Variants in WNT7A observed in about 807,000 individuals in gnomAD.
WNT7A encodes the protein Wnt family member 7A.
Under a neutral mutation model 28.2 loss-of-function variants are expected in WNT7A, and 16 were observed. The ratio of observed to expected loss-of-function variants is 0.57; its 90% CI spans 0.38 to 0.86. The LOEUF is 0.86. WNT7A is among the 40% of genes least tolerant of loss of function. The probability of loss-of-function intolerance (pLI) is 0.00; values close to 1 mark genes in which losing one functional copy is unlikely to be tolerated. For synonymous variants in WNT7A, 190 were observed against 195.9 expected, an observed-to-expected ratio of 0.97 and a Z score of 0.25; for missense variants, 411 against 489.7, an observed-to-expected ratio of 0.84 and a Z score of 1.52.
chr3:13,846,300 A>G (rs1694537592), intron 3 of WNT7A, among the ~76,000 whole-genome samples: 1 of 152,242 alleles, frequency 6.6e-6, no homozygotes, highest in East Asian at 1.9e-4. Context: ...TCTTGGAATC[A>G]CAGGGTTTCA....
chr3:13,843,826 A>T (rs971896132), intron 3 of WNT7A, among the ~76,000 whole-genome samples: 3 of 151,660 alleles, frequency 2.0e-5, no homozygotes, highest in African/African-American at 7.3e-5. Context: ...AGCTCACTGC[A>T]ACCTCTGCCT....
At chr3:13,879,118 C>G (rs747691432) in intron 1 of WNT7A, among the ~76,000 whole-genome samples, 28 of 152,214 alleles carry the variant, frequency 1.8e-4, no homozygotes, top group Non-Finnish European at 3.7e-4. Flanking sequence ...GGGGGTGGGA[C>G]GTGCTGTCCC....
rs1209174246 is a variant in WNT7A at position 13,816,961 on chromosome 3, T to G, written c.*1983A>C. On this transcript the variant is annotated 3_prime_UTR_variant, in exon 4 of 4. Transcript: ENST00000285018. ...AGTAAAAGAAAAATGGAAAAAAATG[T>G]CCAAGGGAAGAAACCATGCAACCAT... The G allele has an allele frequency of 6.6e-6, 1 of 152,122 alleles. No homozygotes were observed. The highest frequency in any genetic ancestry group is 1.5e-5 in the Non-Finnish European group (1 of 68,070). The allele number at this position is 152,122 out of a possible 1,614,324, so 9.4% of individuals were successfully genotyped here. A position where few individuals can be genotyped will look rare whatever the true frequency, so the allele number is the denominator to read the frequency against.
rs56090932 is a variant in WNT7A, at chr3:13,817,423, TACACACACACACACACACACAC to T, written c.*1499_*1520del. 1.3e-4 allele frequency: 18 copies of T among 143,426 alleles called. No homozygotes were observed. Among genetic ancestry groups the T allele is most frequent in the East Asian group, 6.5e-4 (3 of 4,650 alleles). 8.9% of individuals were successfully genotyped at this position (143,426 alleles called of 1,614,324 possible). ...CACTCAAGTCCCTAAGAAGATACAGTACACACACACACACACACACACACACACACACACACACACACACACA... is the reference window on the plus strand; with the variant it reads ...CACTCAAGTCCCTAAGAAGATACAGTACACACACACACACACACACACACA... On this transcript the variant is annotated 3_prime_UTR_variant, in exon 4 of 4. Transcript: ENST00000285018.
At chr3:13,849,713 G>A (rs980525842) in intron 3 of WNT7A, among the ~76,000 whole-genome samples, 3 of 152,172 alleles carry the variant, frequency 2.0e-5, no homozygotes, top group African/African-American at 7.2e-5. Context: ...AGACAGCAGG[G>A]GAGGGAAGTC....
chr3:13,843,552 ACT>A (rs1036232211), intron 3 of WNT7A, among the ~76,000 whole-genome samples: 42 of 151,444 alleles, frequency 2.8e-4, no homozygotes, highest in East Asian at 1.8e-3. Flanking sequence ...CCCATCCAAA[ACT>A]CTCAGCCCAG....
intron 3 of WNT7A, among the ~76,000 whole-genome samples, chr3:13,828,465 G>A (rs773422308): frequency 3.5e-4 from 53 of 152,222 alleles, no homozygotes; most frequent in Non-Finnish European, 3.7e-4. Flanking sequence ...GCAAGCTTGA[G>A]TTGGGTTTCT....
intron 3 of WNT7A, among the ~76,000 whole-genome samples, 165 bp downstream of exon 3, chr3:13,854,367 T>TA (rs1694691378): frequency 6.6e-6 from 1 of 152,080 alleles, no homozygotes; most frequent in African/African-American, 2.4e-5. Flanking sequence ...CTTCGTGCCA[T>TA]ACACAAATCC....
At chr3:13,877,952 G>C (rs868084300) in intron 1 of WNT7A, among the ~76,000 whole-genome samples, 4 of 152,232 alleles carry the variant, frequency 2.6e-5, no homozygotes, top group Non-Finnish European at 4.4e-5. Context: ...AAACCTTTTA[G>C]GGACGTTGAG....
chr3:13,870,203 T>C (rs1695009605), intron 2 of WNT7A, among the ~76,000 whole-genome samples: 1 of 152,162 alleles, frequency 6.6e-6, no homozygotes, highest in African/African-American at 2.4e-5. Context: ...CATTTAGAGA[T>C]AGGAACTTTA....
At chr3:13,831,280 G>A (rs1410567903) in intron 3 of WNT7A, among the ~76,000 whole-genome samples, 2 of 152,200 alleles carry the variant, frequency 1.3e-5, no homozygotes, top group Admixed American at 6.5e-5. Flanking sequence ...GCGGTGTCCA[G>A]TGCCTGACAC....
intron 3 of WNT7A, among the ~76,000 whole-genome samples, chr3:13,846,787 A>T (rs1354767684): frequency 6.6e-6 from 1 of 151,976 alleles, no homozygotes. Context: ...CAGGATGGTG[A>T]CACCTTCCTG....
At position 13,879,038 on chromosome 3, in the gene WNT7A, GC is replaced by G. The variant is rs371067294; in HGVS notation, c.71+707del. ...CCAGTTCCAGGGGGCGGGGTGTCCC[GC>G]CTCTCTCTAGCGCTTGTCTCCCTCT... On this transcript the variant is annotated intron_variant, in intron 1 of 3. Coordinates refer to ENST00000285018, the MANE Select transcript of WNT7A (RefSeq NM_004625.4). Among the ~76,000 whole-genome samples the G allele has an allele frequency of 2.7e-3, 411 of 152,256 alleles. 2 individuals are homozygous for G. Among genetic ancestry groups the G allele is most frequent in the African/African-American group, 9.5e-3 (395 of 41,546 alleles).
intron 3 of WNT7A, among the ~76,000 whole-genome samples, chr3:13,841,975 A>G (rs939026488): frequency 1.3e-5 from 2 of 152,108 alleles, no homozygotes; most frequent in Admixed American, 1.3e-4. Flanking sequence ...GGCAGAGGGA[A>G]CAGTAAGTGC....
chr3:13,847,583 C>T (rs1456249451), intron 3 of WNT7A, among the ~76,000 whole-genome samples: 1 of 152,180 alleles, frequency 6.6e-6, no homozygotes, highest in East Asian at 1.9e-4. Context: ...GGAGGGTTCC[C>T]GGATTTAGCA....
Position 13,874,359 on chromosome 3 carries a change from ACT to A in WNT7A, c.298+586_298+587del, listed in dbSNP as rs773460025. On this transcript the variant is annotated intron_variant, in intron 2 of 3. Transcript: ENST00000285018. ...TCAGAAGTCAAATGTGTGGCTCAAA[ACT>A]CTGTGTGTATGTATGTGTCTGCACA... is the stretch of plus-strand genomic sequence containing the variant. Among the ~76,000 whole-genome samples, 4 of 152,164 alleles carry A rather than the reference ACT, an allele frequency of 2.6e-5. No individual in the cohort carries two copies. The East Asian group carries it at 7.8e-4, about 30-fold the overall frequency.
intron 1 of WNT7A, among the ~76,000 whole-genome samples, chr3:13,878,083 G>A (rs1695136568): frequency 6.6e-6 from 1 of 152,172 alleles, no homozygotes; most frequent in Non-Finnish European, 1.5e-5. Context: ...TACCCCAGAG[G>A]GCAGCTTGGG....
intron 1 of WNT7A, among the ~76,000 whole-genome samples, chr3:13,878,189 G>A (rs1695141165): frequency 6.6e-6 from 1 of 152,114 alleles, no homozygotes; most frequent in African/African-American, 2.4e-5. Context: ...GGCGCCGGCG[G>A]GAGGGCGGCC....
intron 2 of WNT7A, among the ~76,000 whole-genome samples, chr3:13,859,501 G>A (rs1427402012): frequency 6.6e-6 from 1 of 152,182 alleles, no homozygotes; most frequent in African/African-American, 2.4e-5. Context: ...AGGTGCCACT[G>A]GGTGGTACAG....
Sources: allele counts gnomAD v4.1 joint callset (sites outside exome capture counted in the v4.1 genomes callset), GRCh38; gene constraint gnomAD v4.1.1; transcripts MANE v1.5; gene names NCBI Gene and HGNC (gene_info 2026-07-23, HGNC 2026-07-21).